The following CSMD1 variants were observed in gnomAD, a reference collection of about 807,000 sequenced individuals.
CSMD1 encodes the protein CUB and sushi domain-containing protein 1.
CSMD1 carries 213 observed loss-of-function variants against 417.5 expected under a neutral mutation model. That is an observed-to-expected ratio of 0.51 (90% CI 0.46 to 0.57). The LOEUF is 0.57. Among genes scored for constraint, CSMD1 ranks in the 20% least tolerant of loss-of-function variants. The probability of loss-of-function intolerance (pLI) is 0.00; values close to 1 mark genes in which losing one functional copy is unlikely to be tolerated. For missense variants in CSMD1, 6,923 were observed against 4,529.7 expected (o/e 1.53, Z -15.17); for synonymous variants, 2,862 against 1,736.8 (o/e 1.65, Z -16.11).
At position 3,371,832 on chromosome 8, in the gene CSMD1, A is replaced by AT. The variant is rs1271938427; in HGVS notation, c.2783-2463dup. Among the ~76,000 whole-genome samples the AT allele has an allele frequency of 2.6e-5, 4 of 152,190 alleles. No homozygotes were observed. In the East Asian group the frequency reaches 5.8e-4, roughly 22 times the overall value. On this transcript the variant is annotated intron_variant, in intron 18 of 69. Transcript: ENST00000635120. ...GAATATTTTAAGAATTTCTCATGGA[A>AT]TTTTTGCATCTGAAGATTGCAGTGA...
chr8:4,687,684 A>T (rs1010245094), intron 1 of CSMD1, among the ~76,000 whole-genome samples: 1 of 152,174 alleles, frequency 6.6e-6, no homozygotes, highest in Non-Finnish European at 1.5e-5. Flanking sequence ...GCTGTTTTTG[A>T]TCTTTCAAGA....
At chr8:3,390,599 TCTTA>T (rs2116827284) in intron 17 of CSMD1, among the ~76,000 whole-genome samples, 1 of 152,072 alleles carries the variant, frequency 6.6e-6, no homozygotes, top group Admixed American at 6.6e-5. Flanking sequence ...TCCCACTCCT[TCTTA>T]CTTGAACCTT....
At chr8:3,500,445 T>A (rs1796553042) in intron 10 of CSMD1, among the ~76,000 whole-genome samples, 1 of 152,082 alleles carries the variant, frequency 6.6e-6, no homozygotes, top group African/African-American at 2.4e-5. Context: ...TGGGGGTCCC[T>A]AACCACAGAT....
At chr8:4,749,993 GA>G (rs933274664) in intron 1 of CSMD1, among the ~76,000 whole-genome samples, 36 of 149,806 alleles carry the variant, frequency 2.4e-4, no homozygotes, top group South Asian at 1.3e-3. Context: ...TTGTTTAATT[GA>G]AAAAAAAATA....
rs909617693 is a variant in CSMD1 at position 3,406,036 on chromosome 8, G to T, written c.2257C>A (p.Arg753Ser). Residue 753 changes from arginine to serine, a missense_variant, in exon 15 of 70, where the codon CGC becomes AGC. Physicochemically the swap from Arg to Ser is moderately radical, Grantham distance 110 (BLOSUM62 -1). Transcript: ENST00000635120. ...GNVVWSSTVPRCEAPCGGHLT... is the reference protein window; with the variant it reads ...GNVVWSSTVPSCEAPCGGHLT... ...GTGGCAGGGACTGCACCTTCACAGC[G>T]GGGCACGGTGGAGCTCCAGACCACG... 1.2e-6 allele frequency: 2 copies of T among 1,613,584 alleles called. No homozygotes were observed. The highest frequency in any genetic ancestry group is 1.3e-5 in the African/African-American group (1 of 74,916).
At chr8:4,267,964 A>G (rs1804326324) in intron 3 of CSMD1, among the ~76,000 whole-genome samples, 1 of 152,072 alleles carries the variant, frequency 6.6e-6, no homozygotes, top group African/African-American at 2.4e-5. Context: ...TTTTGGATCT[A>G]TTTTCTAGAG....
chr8:3,291,455 C>G (rs745899866), intron 25 of CSMD1, among the ~76,000 whole-genome samples: 12 of 152,124 alleles, frequency 7.9e-5, no homozygotes, highest in Non-Finnish European at 1.6e-4. Flanking sequence ...CCATCTGGTC[C>G]TCGACTTTTT....
intron 10 of CSMD1, among the ~76,000 whole-genome samples, chr8:3,524,401 C>T (rs535611832): frequency 6.9e-6 from 1 of 144,626 alleles, no homozygotes; most frequent in Non-Finnish European, 1.5e-5. Flanking sequence ...ACATGCACAC[C>T]CAGACATATG....
chr8:4,119,539 G>C (rs979174247), intron 3 of CSMD1, among the ~76,000 whole-genome samples: 1 of 152,050 alleles, frequency 6.6e-6, no homozygotes, highest in Non-Finnish European at 1.5e-5. Context: ...AAATAACCAA[G>C]TTTAGATGAG....
intron 10 of CSMD1, among the ~76,000 whole-genome samples, chr8:3,548,659 TAC>T (rs146360407): frequency 0.12 from 16,002 of 132,838 alleles, 1,008 homozygotes; most frequent in Middle Eastern, 0.22. Flanking sequence ...TATTCCATCA[TAC>T]ACACACACAC....
At chr8:4,469,141 G>A (rs1563208958) in intron 2 of CSMD1, among the ~76,000 whole-genome samples, 1 of 152,154 alleles carries the variant, frequency 6.6e-6, no homozygotes, top group South Asian at 2.1e-4. Flanking sequence ...GTAGGAAAAT[G>A]GAAGAAGGCA....
intron 1 of CSMD1, among the ~76,000 whole-genome samples, chr8:4,903,604 T>C (rs1450955731): frequency 1.3e-5 from 2 of 152,246 alleles, no homozygotes; most frequent in Non-Finnish European, 2.9e-5. Context: ...ACTTGTTACA[T>C]GATAAAACAT....
chr8:3,539,200 G>A (rs765614206), intron 10 of CSMD1, among the ~76,000 whole-genome samples: 2 of 152,080 alleles, frequency 1.3e-5, no homozygotes, highest in Non-Finnish European at 2.9e-5. Context: ...ATTTAGGTCT[G>A]GAAGGATGTT....
At chr8:4,415,435 A>C (rs1481669728) in intron 3 of CSMD1, among the ~76,000 whole-genome samples, 1 of 151,574 alleles carries the variant, frequency 6.6e-6, no homozygotes, top group Non-Finnish European at 1.5e-5. Context: ...CACGTGCTTT[A>C]ATAACACGCT....
intron 3 of CSMD1, among the ~76,000 whole-genome samples, chr8:4,241,077 A>G (rs1462370187): frequency 6.6e-6 from 1 of 152,132 alleles, no homozygotes; most frequent in East Asian, 1.9e-4. Context: ...TGATCGCTGA[A>G]TTACTTATCC....
chr8:4,075,825 T>A (rs1431600586), intron 3 of CSMD1, among the ~76,000 whole-genome samples: 1 of 151,908 alleles, frequency 6.6e-6, no homozygotes, highest in African/African-American at 2.4e-5. Context: ...GTTGTCAGAG[T>A]GAAAAAGGAA....
chr8:3,019,480 A>G (rs1809167282), intron 51 of CSMD1, among the ~76,000 whole-genome samples: 1 of 152,182 alleles, frequency 6.6e-6, no homozygotes, highest in African/African-American at 2.4e-5. Flanking sequence ...AAAATCTAGG[A>G]CTTCGGAATG....
intron 1 of CSMD1, among the ~76,000 whole-genome samples, chr8:4,900,990 G>T (rs1228041924): frequency 6.6e-6 from 1 of 152,152 alleles, no homozygotes. Flanking sequence ...ATGAATTAAT[G>T]ATTCACCATA....
At chr8:3,637,219 T>C (rs185934052) in intron 7 of CSMD1, among the ~76,000 whole-genome samples, 1 of 152,366 alleles carries the variant, frequency 6.6e-6, no homozygotes, top group Admixed American at 6.5e-5. Context: ...ATTCTAACTT[T>C]TACTAGGTAA....
Sources: gnomAD v4.1 joint callset for allele counts (sites outside exome capture counted in the v4.1 genomes callset) on GRCh38, gnomAD v4.1.1 for gene constraint, MANE v1.5 for transcripts, NCBI Gene and HGNC (gene_info 2026-07-23, HGNC 2026-07-21) for gene names.